Variants in CR2 observed in about 807,000 individuals in gnomAD.
The protein encoded by CR2 is complement receptor type 2.
In CR2, 96 loss-of-function variants were observed where a neutral mutation model predicts 123.0. That is an observed-to-expected ratio of 0.78 (90% CI 0.66 to 0.93). The LOEUF is 0.93. CR2 is among the 40% of genes least tolerant of loss of function. The pLI is 0.00. For missense variants in CR2, 1,258 were observed against 1,361.0 expected (o/e 0.92, Z 1.19); for synonymous variants, 484 against 469.5 (o/e 1.03, Z -0.40).
intron 1 of CR2, among the ~76,000 whole-genome samples, chr1:207,463,728 T>C (rs958686718): frequency 1.2e-4 from 19 of 152,166 alleles, no homozygotes; most frequent in African/African-American, 4.3e-4. Flanking sequence ...ATTTCTTATC[T>C]CTTTGTCTTT....
chr1:207,487,034 G>A (rs887202765), intron 19 of CR2, among the ~76,000 whole-genome samples: 1 of 152,174 alleles, frequency 6.6e-6, no homozygotes, highest in Admixed American at 6.5e-5. Flanking sequence ...AGATCTCCGA[G>A]AAGTGAAAGA....
chr1:207,455,773 C>T (rs1451819992), intron 1 of CR2, among the ~76,000 whole-genome samples: 2 of 152,174 alleles, frequency 1.3e-5, no homozygotes, highest in Non-Finnish European at 2.9e-5. Flanking sequence ...AGGATATTAT[C>T]AACTGAAAAT....
chr1:207,476,362 G>T lies in CR2; in HGVS notation c.2845G>T (p.Ala949Ser), dbSNP rs777164977. 3 of 1,613,932 alleles carry T rather than the reference G, an allele frequency of 1.9e-6. No homozygotes were observed. Among genetic ancestry groups the T allele is most frequent in the African/African-American group, 1.3e-5 (1 of 75,024 alleles). Residue 949 changes from alanine (A) to serine (S), a missense_variant, in exon 15 of 20, where the codon GCA becomes TCA. Transcript: ENST00000367057. ...CDQGYLLVGE[A>S]LLLCTHEGTW... Reference sequence around the variant, plus strand: ...CCAAGGCTACCTGCTGGTGGGAGAGGCACTCCTTCTTTGCACACATGAGGG... The same window carrying T: ...CCAAGGCTACCTGCTGGTGGGAGAGTCACTCCTTCTTTGCACACATGAGGG...
intron 1 of CR2, among the ~76,000 whole-genome samples, chr1:207,465,546 A>G (rs1658076133): frequency 2.0e-5 from 3 of 152,182 alleles, no homozygotes; most frequent in Admixed American, 6.5e-5. Context: ...TGCAGATTCT[A>G]TATGTATAAA....
intron 1 of CR2, among the ~76,000 whole-genome samples, chr1:207,463,607 A>G (rs1658017387): frequency 6.6e-6 from 1 of 152,084 alleles, no homozygotes; most frequent in African/African-American, 2.4e-5. Context: ...GTTTTTCTAA[A>G]ATGTAAGTCT....
rs765171183 is a variant in CR2 at position 207,454,401 on chromosome 1, G to A, written c.-18G>A. 6.4e-6 allele frequency: 10 copies of A among 1,572,388 alleles called. No homozygotes were observed. The highest frequency in any genetic ancestry group is 7.7e-6 in the Non-Finnish European group (9 of 1,166,138). Reference sequence around the variant, plus strand: ...CGGGTCTCGGAACGCATCCCGCCGCGGGGGCTTCGGCCGTGGCATGGGCGC... The same window carrying A: ...CGGGTCTCGGAACGCATCCCGCCGCAGGGGCTTCGGCCGTGGCATGGGCGC... On this transcript the variant is annotated 5_prime_UTR_variant, in exon 1 of 20. Transcript: ENST00000367057. The surrounding 1 kb of genome is among the most constrained non-coding windows in gnomAD (Gnocchi z 4.3).
chr1:207,459,683 G>C (rs917876419), intron 1 of CR2, among the ~76,000 whole-genome samples: 5 of 152,142 alleles, frequency 3.3e-5, no homozygotes, highest in African/African-American at 1.2e-4. Context: ...CACCATCTTT[G>C]ATCTTCAATC....
chr1:207,467,651 G>C (rs1221798254), intron 2 of CR2, among the ~76,000 whole-genome samples: 1 of 152,160 alleles, frequency 6.6e-6, no homozygotes, highest in Non-Finnish European at 1.5e-5. Flanking sequence ...TGTTAAATTA[G>C]TATAAAATGG....
intron 1 of CR2, among the ~76,000 whole-genome samples, chr1:207,460,477 G>A (rs564645588): frequency 7.0e-4 from 107 of 152,152 alleles, no homozygotes; most frequent in Non-Finnish European, 1.4e-3. Context: ...ACTTTCACCC[G>A]TACCTGTCTC....
chr1:207,471,811 G>A (rs1191577288), intron 9 of CR2: 3 of 366,848 alleles, frequency 8.2e-6, no homozygotes, highest in South Asian at 4.4e-5. Flanking sequence ...GTAAGGGATA[G>A]GTGTCAGATC....
At chr1:207,485,665 T>C in intron 19 of CR2, 93 bp downstream of exon 19, 1 of 741,062 alleles carries the variant, frequency 1.3e-6, no homozygotes, top group Non-Finnish European at 2.4e-6. Context: ...TGTATATACA[T>C]GCTTCTTACT....
At position 207,474,259 on chromosome 1, in the gene CR2, T is replaced by C. The variant is rs1406964600; in HGVS notation, c.2259T>C (p.His753=). ...TCTGTAGGTACCAGTTGACTGGACATGCTTATCAGATGTGTCAAGATGCTG... is the reference window on the plus strand; with the variant it reads ...TCTGTAGGTACCAGTTGACTGGACACGCTTATCAGATGTGTCAAGATGCTG... ...SCQDGYQLTG[H]AYQMCQDAEN... is the part of the protein sequence containing the mutation. Residue 753 remains histidine, a synonymous_variant, in exon 13 of 20, where the codon CAT becomes CAC. Transcript: ENST00000367057. The C allele has an allele frequency of 6.2e-7, 1 of 1,613,122 alleles. No individual in the cohort carries two copies. The highest frequency in any genetic ancestry group is 8.5e-7 in the Non-Finnish European group (1 of 1,179,272).
chr1:207,479,167 G>T, intron 16 of CR2, 90 bp from the exon 17 acceptor site: 1 of 1,029,158 alleles, frequency 9.7e-7, no homozygotes, highest in South Asian at 1.3e-5. Context: ...CTAGAGTGTT[G>T]ATTTCTGGGA....
At chr1:207,456,711 A>G (rs1330568974) in intron 1 of CR2, among the ~76,000 whole-genome samples, 1 of 152,132 alleles carries the variant, frequency 6.6e-6, no homozygotes, top group Non-Finnish European at 1.5e-5. Context: ...CAACTTACAA[A>G]CTTACCTCCA....
intron 12 of CR2, 32 bp from the exon 13 acceptor site, chr1:207,474,209 C>T (rs759312230): frequency 6.7e-7 from 1 of 1,498,590 alleles, no homozygotes; most frequent in Non-Finnish European, 9.3e-7. Flanking sequence ...ATATTGGGAA[C>T]AGGAAATGCA....
At chr1:207,469,058 T>C in intron 4 of CR2, 92 bp from the exon 5 acceptor site, 2 of 1,364,250 alleles carry the variant, frequency 1.5e-6, no homozygotes, top group Non-Finnish European at 1.0e-6. Flanking sequence ...TGCACACTGA[T>C]TGAAATGAAC....
chr1:207,456,170 A>C (rs956654866), intron 1 of CR2, among the ~76,000 whole-genome samples: 2 of 152,174 alleles, frequency 1.3e-5, no homozygotes, highest in Non-Finnish European at 2.9e-5. Context: ...TTGGAATGGG[A>C]TCTCACCGAA....
chr1:207,454,606 T>C lies in CR2; in HGVS notation c.58+130T>C. 2 of 715,352 alleles carry C rather than the reference T, an allele frequency of 2.8e-6. No homozygotes were observed. Among genetic ancestry groups the C allele is most frequent in the Non-Finnish European group, 4.5e-6 (2 of 446,106 alleles). The allele number at this position is 715,352 out of a possible 1,614,324, so 44.3% of individuals were successfully genotyped here. Reference sequence around the variant, plus strand: ...TGCTCGACGCGTGTCCGCCTCCCGCTAGCTTTGAGGGACCACTGCAATAAA... The same window carrying C: ...TGCTCGACGCGTGTCCGCCTCCCGCCAGCTTTGAGGGACCACTGCAATAAA... On this transcript the variant is annotated intron_variant, in intron 1 of 19. Transcript: ENST00000367057. The surrounding 1 kb of genome is among the most constrained non-coding windows in gnomAD (Gnocchi z 4.3).
At chr1:207,461,382 C>G (rs563696822) in intron 1 of CR2, among the ~76,000 whole-genome samples, 1 of 152,144 alleles carries the variant, frequency 6.6e-6, no homozygotes, top group African/African-American at 2.4e-5. Context: ...ATTACTTTCT[C>G]CATCTCTGAA....
Sources: allele counts gnomAD v4.1 joint callset (sites outside exome capture counted in the v4.1 genomes callset), GRCh38; gene constraint gnomAD v4.1.1; non-coding constraint Gnocchi (gnomAD v3.1); transcripts MANE v1.5; gene names NCBI Gene and HGNC (gene_info 2026-07-23, HGNC 2026-07-21).